RUNX1: variants seen among roughly 807,000 people sequenced by gnomAD.
The protein encoded by RUNX1 is RUNX family transcription factor 1, also known as runt-related transcription factor 1.
Under a neutral mutation model 42.8 loss-of-function variants are expected in RUNX1, and 19 were observed. The ratio of observed to expected loss-of-function variants is 0.44; its 90% CI spans 0.31 to 0.65. The LOEUF is 0.65. Among genes scored for constraint, RUNX1 ranks in the 30% least tolerant of loss-of-function variants. RUNX1 has a pLI of 0.07. For synonymous variants in RUNX1, 271 were observed against 289.4 expected (o/e 0.94, Z 0.64); for missense variants, 528 against 672.0 (o/e 0.79, Z 2.37).
At chr21:34,801,780 A>C (rs2056611299) in intron 7 of RUNX1, among the ~76,000 whole-genome samples, 1 of 152,186 alleles carries the variant, frequency 6.6e-6, no homozygotes, top group Non-Finnish European at 1.5e-5. Context: ...AGAAAACAAA[A>C]ACAAAAAAGG....
intron 5 of RUNX1, among the ~76,000 whole-genome samples, chr21:34,872,129 C>T (rs1432039409): frequency 6.6e-6 from 1 of 152,184 alleles, no homozygotes; most frequent in Non-Finnish European, 1.5e-5. Context: ...CAGGTGTGAG[C>T]CAGCATGCCC....
intron 2 of RUNX1, among the ~76,000 whole-genome samples, chr21:34,942,258 A>G (rs1040082506): frequency 6.6e-6 from 1 of 152,162 alleles, no homozygotes; most frequent in Middle Eastern, 3.4e-3. Flanking sequence ...CTTATTTTAA[A>G]TTGCAGTTTT....
At chr21:34,827,212 T>C (rs1276922004) in intron 7 of RUNX1, among the ~76,000 whole-genome samples, 2 of 152,182 alleles carry the variant, frequency 1.3e-5, no homozygotes, top group Non-Finnish European at 2.9e-5. Flanking sequence ...TAGGACTTAA[T>C]GGAATGCAGA....
At chr21:35,025,349 T>C (rs986454095) in intron 2 of RUNX1, among the ~76,000 whole-genome samples, 1 of 152,182 alleles carries the variant, frequency 6.6e-6, no homozygotes, top group African/African-American at 2.4e-5. Flanking sequence ...AAGTTCCTTC[T>C]TGAGTGCATT....
intron 5 of RUNX1, among the ~76,000 whole-genome samples, chr21:34,861,580 C>T (rs1360944446): frequency 6.6e-6 from 1 of 152,114 alleles, no homozygotes; most frequent in Non-Finnish European, 1.5e-5. Flanking sequence ...TAATAAGACC[C>T]TGCCCCAAGT....
chr21:34,937,460 C>T (rs1298634056), intron 2 of RUNX1, among the ~76,000 whole-genome samples: 2 of 151,850 alleles, frequency 1.3e-5, no homozygotes, highest in East Asian at 3.9e-4. Flanking sequence ...TCAGTATATA[C>T]ATTTTATCTC....
At chr21:35,037,477 C>T (rs1417810717) in intron 2 of RUNX1, among the ~76,000 whole-genome samples, 2 of 152,208 alleles carry the variant, frequency 1.3e-5, no homozygotes, top group African/African-American at 4.8e-5. Context: ...CCCACAGCGT[C>T]GCCTCCTGTC....
intron 2 of RUNX1, among the ~76,000 whole-genome samples, chr21:34,952,557 T>C (rs2058616476): frequency 6.6e-6 from 1 of 151,892 alleles, no homozygotes; most frequent in Non-Finnish European, 1.5e-5. Flanking sequence ...TTTGAAGGAG[T>C]GAATTTATAT....
rs116206591 is a variant in RUNX1 at position 34,819,701 on chromosome 21, T to G, written c.805+14709A>C. On this transcript the variant is annotated intron_variant, in intron 7 of 8. Coordinates refer to ENST00000675419, the MANE Select transcript of RUNX1 (RefSeq NM_001754.5). Reference sequence around the variant, plus strand: ...AGCCGTGTACTCTGTTGGGAGCAATTGGCATGAAGTTTGGCAGTGGCATCC... The same window carrying G: ...AGCCGTGTACTCTGTTGGGAGCAATGGGCATGAAGTTTGGCAGTGGCATCC... 4.3e-3 allele frequency among the ~76,000 whole-genome samples: 650 copies of G among 152,304 alleles called. 4 individuals are homozygous for G. Among genetic ancestry groups the G allele is most frequent in the African/African-American group, 0.015 (622 of 41,558 alleles).
At chr21:35,002,489 G>A (rs990863371) in intron 2 of RUNX1, among the ~76,000 whole-genome samples, 13 of 151,598 alleles carry the variant, frequency 8.6e-5, no homozygotes, top group Middle Eastern at 6.8e-3. Flanking sequence ...GTGCATTGGC[G>A]TGATCTTGGC....
At chr21:35,046,634 T>G (rs1436239597) in intron 2 of RUNX1, among the ~76,000 whole-genome samples, 1 of 152,154 alleles carries the variant, frequency 6.6e-6, no homozygotes, top group Non-Finnish European at 1.5e-5. Context: ...AAAGAAATGA[T>G]ATTTTGCTAC....
chr21:34,934,751 TG>T (rs1176767815), intron 2 of RUNX1, among the ~76,000 whole-genome samples: 1 of 152,082 alleles, frequency 6.6e-6, no homozygotes, highest in African/African-American at 2.4e-5. Flanking sequence ...AGGTCAAAGC[TG>T]GGATGGACCT....
chr21:35,023,726 G>C (rs1466231165), intron 2 of RUNX1, among the ~76,000 whole-genome samples: 1 of 152,120 alleles, frequency 6.6e-6, no homozygotes, highest in African/African-American at 2.4e-5. Flanking sequence ...AATGAAAGGG[G>C]GGCACAGGAA....
chr21:34,844,353 GAGA>G (rs1042212653), intron 6 of RUNX1, among the ~76,000 whole-genome samples: 109 of 152,260 alleles, frequency 7.2e-4, no homozygotes, highest in African/African-American at 1.6e-3. Flanking sequence ...TGGGGGCCAG[GAGA>G]AGAAGATCCA....
rs140830672 is a variant in RUNX1, at chr21:34,896,831, C to G, written c.59-3868G>C. ...ACAGAGAGTGCCATGTAACCTTTGC[C>G]AAAGGAGCTTCAGTTGAGTGGCAGC... is the stretch of plus-strand genomic sequence containing the variant. On this transcript the variant is annotated intron_variant, in intron 2 of 8. Coordinates refer to ENST00000675419, the MANE Select transcript of RUNX1 (RefSeq NM_001754.5). Among the ~76,000 whole-genome samples the G allele has an allele frequency of 3.2e-3, 481 of 152,206 alleles. 2 individuals are homozygous for G. The highest frequency in any genetic ancestry group is 0.023 in the South Asian group (113 of 4,814).
At chr21:34,855,138 C>T (rs920752305) in intron 6 of RUNX1, among the ~76,000 whole-genome samples, 1 of 152,120 alleles carries the variant, frequency 6.6e-6, no homozygotes, top group African/African-American at 2.4e-5. Context: ...CCTGACCAGA[C>T]AGGTAAAGGC....
At chr21:34,793,141 G>T (rs974237535) in intron 8 of RUNX1, among the ~76,000 whole-genome samples, 2 of 150,464 alleles carry the variant, frequency 1.3e-5, no homozygotes, top group African/African-American at 4.9e-5. Context: ...TACTGAGGAT[G>T]CTGCTGCCTA....
chr21:34,860,001 G>C (rs2057549640), intron 5 of RUNX1, among the ~76,000 whole-genome samples: 1 of 152,168 alleles, frequency 6.6e-6, no homozygotes, highest in Non-Finnish European at 1.5e-5. Context: ...TTGTACCTTT[G>C]AAGATCAGGA....
At chr21:34,856,093 T>C (rs6517259) in intron 6 of RUNX1, among the ~76,000 whole-genome samples, 1 of 152,322 alleles carries the variant, frequency 6.6e-6, no homozygotes, top group South Asian at 2.1e-4. Flanking sequence ...CTTTGGCGTA[T>C]ACTTTTGGCT....
Sources: gnomAD v4.1 joint callset for allele counts (sites outside exome capture counted in the v4.1 genomes callset) on GRCh38, gnomAD v4.1.1 for gene constraint, MANE v1.5 for transcripts, NCBI Gene and HGNC (gene_info 2026-07-23, HGNC 2026-07-21) for gene names.